The following SLC24A4 variants were observed in gnomAD, a reference collection of about 807,000 sequenced individuals.
SLC24A4 encodes solute carrier family 24 member 4, also known as sodium/potassium/calcium exchanger 4.
A neutral mutation model predicts 79.0 loss-of-function variants in SLC24A4; 53 were observed. That is an observed-to-expected ratio of 0.67 (90% CI 0.54 to 0.84). The LOEUF (loss-of-function observed/expected upper bound fraction) is 0.84. Among genes scored for constraint, SLC24A4 ranks in the 40% least tolerant of loss-of-function variants. SLC24A4 has a pLI of 0.00. For synonymous variants in SLC24A4, 323 were observed against 323.8 expected, an observed-to-expected ratio of 1.00 and a Z score of 0.03; for missense variants, 731 against 822.0, an observed-to-expected ratio of 0.89 and a Z score of 1.35.
At chr14:92,322,850 G>A (rs1344697364), upstream of SLC24A4, among the ~76,000 whole-genome samples, 2 of 152,076 alleles carry the variant, frequency 1.3e-5, no homozygotes, top group African/African-American at 2.4e-5. Flanking sequence ...CGGAGAGCCC[G>A]GACAGGAGCG....
At chr14:92,449,023 TG>T in intron 9 of SLC24A4, 50 bp from the exon 10 acceptor site, 1 of 1,605,574 alleles carries the variant, frequency 6.2e-7, no homozygotes, top group Non-Finnish European at 8.5e-7. Context: ...GCTGCCCAGT[TG>T]GTGGGACTCC....
At chr14:92,471,238 G>A (rs1894425579) in intron 12 of SLC24A4, among the ~76,000 whole-genome samples, 1 of 152,112 alleles carries the variant, frequency 6.6e-6, no homozygotes, top group Non-Finnish European at 1.5e-5. Context: ...TTGCCCACTG[G>A]CCTCTGCAAC....
intron 2 of SLC24A4, among the ~76,000 whole-genome samples, chr14:92,425,589 G>A (rs10431636): frequency 0.066 from 10,101 of 152,280 alleles, 437 homozygotes; most frequent in East Asian, 0.096. Context: ...TTGTCTGTTC[G>A]TATTAATTCG....
rs759437310 is a variant in SLC24A4, at chr14:92,433,868, G to A, written c.242-44G>A. 2.0e-6 allele frequency: 3 copies of A among 1,527,730 alleles called. No homozygotes were observed. The South Asian group carries it at 3.4e-5, about 17-fold the overall frequency. The allele number at this position is 1,527,730 out of a possible 1,614,324, so 94.6% of individuals were successfully genotyped here. Reference sequence around the variant, plus strand: ...GAAGTCAAGTGAGGTTTGTCGGGAGGCCCATAGATAACTAACACTCTGCCA... The same window carrying A: ...GAAGTCAAGTGAGGTTTGTCGGGAGACCCATAGATAACTAACACTCTGCCA... On this transcript the variant is annotated intron_variant, in intron 2 of 16. Coordinates refer to ENST00000532405, the MANE Select transcript of SLC24A4 (RefSeq NM_153646.4).
intron 2 of SLC24A4, among the ~76,000 whole-genome samples, chr14:92,384,324 G>T (rs1330171022): frequency 6.6e-6 from 1 of 152,042 alleles, no homozygotes; most frequent in Non-Finnish European, 1.5e-5. Context: ...GAAGGGGAGG[G>T]AGTGTTGCGC....
intron 12 of SLC24A4, among the ~76,000 whole-genome samples, chr14:92,470,537 T>TC (rs1442303701): frequency 1.3e-5 from 2 of 152,234 alleles, no homozygotes; most frequent in Non-Finnish European, 2.9e-5. Flanking sequence ...GACTTTTTTT[T>TC]CACATAATTA....
intron 2 of SLC24A4, among the ~76,000 whole-genome samples, chr14:92,360,052 A>G (rs770970432): frequency 8.3e-4 from 126 of 151,930 alleles, no homozygotes; most frequent in Non-Finnish European, 4.7e-4. Context: ...CCAAGTAGCT[A>G]AGATTATAGG....
intron 2 of SLC24A4, among the ~76,000 whole-genome samples, chr14:92,403,529 A>C (rs563624274): frequency 1.8e-4 from 28 of 151,536 alleles, no homozygotes; most frequent in Non-Finnish European, 5.9e-5. Flanking sequence ...AATTGTGTGA[A>C]CCCAGGAGGT....
intron 2 of SLC24A4, among the ~76,000 whole-genome samples, chr14:92,378,707 G>A (rs746196298): frequency 2.0e-5 from 3 of 152,170 alleles, no homozygotes; most frequent in Admixed American, 6.5e-5. Flanking sequence ...TTCAATCAAT[G>A]TATTAAAGTT....
rs534753626 is a variant in SLC24A4, at chr14:92,427,610, T to C, written c.242-6302T>C. ...ACTCAAGAGCAGATCAGCAGTAGGA[T>C]TGCCAGGGCTTGTGCAGGATTGGCT... On this transcript the variant is annotated intron_variant, in intron 2 of 16. Transcript: ENST00000532405. Among the ~76,000 whole-genome samples, 16 of 152,300 alleles carry C rather than the reference T, an allele frequency of 1.1e-4. No homozygotes were observed. The East Asian group carries it at 2.7e-3, about 26-fold the overall frequency.
intron 12 of SLC24A4, among the ~76,000 whole-genome samples, chr14:92,469,642 T>C (rs1026843428): frequency 2.0e-5 from 3 of 152,302 alleles, no homozygotes; most frequent in Middle Eastern, 3.4e-3. Flanking sequence ...TTATTCATAA[T>C]TGCCAAAAAG....
At chr14:92,345,904 C>T (rs117897306) in intron 2 of SLC24A4, among the ~76,000 whole-genome samples, 2,480 of 152,160 alleles carry the variant, frequency 0.016, 28 homozygotes, top group East Asian at 0.043. Context: ...TGTAAATGAG[C>T]ACATGTATAA....
chr14:92,383,920 A>G (rs1470952794), intron 2 of SLC24A4, among the ~76,000 whole-genome samples: 2 of 152,318 alleles, frequency 1.3e-5, no homozygotes, highest in South Asian at 2.1e-4. Flanking sequence ...GCTGGACCAC[A>G]CTCGCCGTGG....
chr14:92,443,322 G>A, intron 6 of SLC24A4, 78 bp from the exon 7 acceptor site: 2 of 1,378,496 alleles, frequency 1.5e-6, no homozygotes, highest in Non-Finnish European at 1.0e-6. Context: ...CTGCACTGCG[G>A]GGGGAGGAGG....
At chr14:92,465,639 G>A (rs3993878) in intron 12 of SLC24A4, among the ~76,000 whole-genome samples, 104,144 of 151,898 alleles carry the variant, frequency 0.69, 36,509 homozygotes, top group Non-Finnish European at 0.76. Context: ...CCCTCCCCAC[G>A]AGGGCAGCTG....
At position 92,323,624 on chromosome 14, in the gene SLC24A4, C is replaced by G. The variant is rs1365670594; in HGVS notation, c.-207C>G. On this transcript the variant is annotated 5_prime_UTR_variant, in exon 1 of 17. Coordinates refer to ENST00000532405, the MANE Select transcript of SLC24A4 (RefSeq NM_153646.4). This position sits in a 1 kb window ranked among gnomAD's most constrained non-coding sequence, Gnocchi z 4.9. ...CAGCGCGCACGCGGCGCGCGGGACT[C>G]TGAGCTCCGGCCGCGTCGCGCGTCC... The G allele has an allele frequency of 1.9e-6, 1 of 514,488 alleles. No homozygotes were observed. The highest frequency in any genetic ancestry group is 3.7e-5 in the East Asian group (1 of 27,208). 31.9% of individuals were successfully genotyped at this position (514,488 alleles called of 1,614,324 possible). A position where few individuals can be genotyped will look rare whatever the true frequency, so the allele number is the denominator to read the frequency against.
intron 1 of SLC24A4, among the ~76,000 whole-genome samples, 178 bp downstream of exon 1, chr14:92,324,138 G>C (rs1406059307): frequency 2.0e-5 from 3 of 152,216 alleles, no homozygotes; most frequent in Non-Finnish European, 4.4e-5. Context: ...GACGCTCTGG[G>C]CTGTGGCGCC....
intron 2 of SLC24A4, among the ~76,000 whole-genome samples, chr14:92,429,669 C>T (rs1384852466): frequency 6.6e-6 from 1 of 152,186 alleles, no homozygotes; most frequent in Non-Finnish European, 1.5e-5. Flanking sequence ...AGACCTTAGT[C>T]CTGAGATGTG....
intron 10 of SLC24A4, chr14:92,452,479 T>C (rs1409114635): frequency 1.3e-5 from 2 of 152,204 alleles, no homozygotes; most frequent in South Asian, 2.1e-4. Flanking sequence ...CAAGTGTTGA[T>C]GCTCCCCATA....
Sources: allele counts gnomAD v4.1 joint callset (sites outside exome capture counted in the v4.1 genomes callset), GRCh38; gene constraint gnomAD v4.1.1; non-coding constraint Gnocchi (gnomAD v3.1); transcripts MANE v1.5; gene names NCBI Gene and HGNC (gene_info 2026-07-23, HGNC 2026-07-21).